CDC42BPA: variants seen among roughly 807,000 people sequenced by gnomAD.
CDC42BPA encodes serine/threonine-protein kinase MRCK alpha.
Under a neutral mutation model 223.5 loss-of-function variants are expected in CDC42BPA, and 80 were observed. The observed-to-expected ratio is 0.36, with a 90% CI of 0.30 to 0.43. The LOEUF is 0.43. CDC42BPA is among the 20% of genes least tolerant of loss of function. The probability of loss-of-function intolerance (pLI) is 1.00; values close to 1 mark genes in which losing one functional copy is unlikely to be tolerated. For synonymous variants in CDC42BPA, 694 were observed against 718.6 expected, an observed-to-expected ratio of 0.97 and a Z score of 0.55; for missense variants, 1,743 against 2,099.9, an observed-to-expected ratio of 0.83 and a Z score of 3.32.
chr1:227,150,822 A>C (rs1195502258), intron 6 of CDC42BPA, among the ~76,000 whole-genome samples: 1 of 150,792 alleles, frequency 6.6e-6, no homozygotes, highest in East Asian at 1.9e-4. Context: ...TAGAAAAATA[A>C]AAATTTTTAA....
chr1:227,268,667 C>CAT lies in CDC42BPA; in HGVS notation c.179-14514_179-14513dup, dbSNP rs1472425451. Among the ~76,000 whole-genome samples the CAT allele has an allele frequency of 1.2e-3, 164 of 139,026 alleles. 1 individual carries two copies. The highest frequency in any genetic ancestry group is 6.0e-3 in the South Asian group (27 of 4,494). The allele number at this position is 139,026 out of a possible 152,430, so 91.2% of individuals were successfully genotyped here. The stretch of plus-strand genomic sequence containing the variant: ...TAGTGTGTGTGTATATATATATATA[C>CAT]ATATATATATATACACACACACACT... On this transcript the variant is annotated intron_variant, in intron 1 of 36. Coordinates refer to ENST00000366766, the MANE Select transcript of CDC42BPA (RefSeq NM_001394014.1).
chr1:227,258,699 G>GA (rs1272801058), intron 1 of CDC42BPA, among the ~76,000 whole-genome samples: 6 of 150,110 alleles, frequency 4.0e-5, no homozygotes, highest in Admixed American at 1.3e-4. Flanking sequence ...TGCTGCATTT[G>GA]AAAAAAAACT....
At chr1:227,193,340 G>A (rs558743009) in intron 5 of CDC42BPA, among the ~76,000 whole-genome samples, 7 of 152,126 alleles carry the variant, frequency 4.6e-5, no homozygotes, top group East Asian at 1.9e-4. Flanking sequence ...GATTACAAGC[G>A]TGAGCAACCG....
At chr1:227,011,487 G>A (rs906627020) in intron 34 of CDC42BPA, among the ~76,000 whole-genome samples, 6 of 152,074 alleles carry the variant, frequency 3.9e-5, no homozygotes, top group Non-Finnish European at 8.8e-5. Context: ...TTATGAAACT[G>A]TTTCTTTAGA....
chr1:226,999,485 T>C (rs1424497754), intron 35 of CDC42BPA, among the ~76,000 whole-genome samples: 1 of 152,168 alleles, frequency 6.6e-6, no homozygotes, highest in East Asian at 1.9e-4. Flanking sequence ...CTAGGAATGC[T>C]TTTACACTGT....
intron 1 of CDC42BPA, among the ~76,000 whole-genome samples, chr1:227,304,045 A>G (rs992710560): frequency 6.6e-6 from 1 of 152,298 alleles, no homozygotes; most frequent in Non-Finnish European, 1.5e-5. Context: ...CCTCACCACC[A>G]TGAAGTACTT....
intron 5 of CDC42BPA, among the ~76,000 whole-genome samples, chr1:227,179,190 G>A (rs1667475331): frequency 6.6e-6 from 1 of 152,202 alleles, no homozygotes; most frequent in Non-Finnish European, 1.5e-5. Flanking sequence ...GAAACAGGGT[G>A]TAGAGACTTA....
intron 11 of CDC42BPA, among the ~76,000 whole-genome samples, chr1:227,121,506 G>GT (rs1018199834): frequency 1.3e-5 from 2 of 152,154 alleles, no homozygotes; most frequent in African/African-American, 4.8e-5. Context: ...TGAAAGTATA[G>GT]TTATTAATAG....
chr1:227,277,724 T>C (rs901776708), intron 1 of CDC42BPA, among the ~76,000 whole-genome samples: 1 of 152,138 alleles, frequency 6.6e-6, no homozygotes, highest in Non-Finnish European at 1.5e-5. Context: ...CTTAGAAAAC[T>C]AGGAATAGAT....
chr1:227,045,553 C>T (rs1672275562), intron 23 of CDC42BPA, among the ~76,000 whole-genome samples: 1 of 152,058 alleles, frequency 6.6e-6, no homozygotes, highest in South Asian at 2.1e-4. Flanking sequence ...AATTTCCTTC[C>T]TTTTCTTTTT....
chr1:227,128,868 C>A (rs1190724399), intron 11 of CDC42BPA, among the ~76,000 whole-genome samples: 1 of 152,130 alleles, frequency 6.6e-6, no homozygotes, highest in East Asian at 1.9e-4. Context: ...GTACTCTCCA[C>A]GTACCTCCAT....
At chr1:227,070,889 A>G (rs1481831053) in intron 20 of CDC42BPA, among the ~76,000 whole-genome samples, 1 of 151,878 alleles carries the variant, frequency 6.6e-6, no homozygotes, top group African/African-American at 2.4e-5. Flanking sequence ...GATGCAATCA[A>G]TGTCATCTGG....
intron 1 of CDC42BPA, among the ~76,000 whole-genome samples, chr1:227,279,538 A>T (rs933693694): frequency 5.3e-5 from 8 of 152,042 alleles, no homozygotes; most frequent in African/African-American, 1.9e-4. Flanking sequence ...CTTACTTCAC[A>T]TATTAAAGTA....
intron 29 of CDC42BPA, among the ~76,000 whole-genome samples, chr1:227,029,694 T>C (rs1035985761): frequency 6.6e-6 from 1 of 152,186 alleles, no homozygotes; most frequent in Non-Finnish European, 1.5e-5. Context: ...GTTATATTGG[T>C]TTCTCTTTAT....
At chr1:227,187,992 T>A (rs1026474888) in intron 5 of CDC42BPA, among the ~76,000 whole-genome samples, 2 of 151,932 alleles carry the variant, frequency 1.3e-5, no homozygotes, top group Non-Finnish European at 2.9e-5. Flanking sequence ...CCAGGAAAAC[T>A]ATATTTCAGG....
At chr1:227,261,381 G>T (rs543642285) in intron 1 of CDC42BPA, among the ~76,000 whole-genome samples, 2 of 150,908 alleles carry the variant, frequency 1.3e-5, no homozygotes, top group East Asian at 3.9e-4. Context: ...CTCCCAAAAT[G>T]CTGGGGTTAC....
chr1:227,184,999 T>C (rs1220558203), intron 5 of CDC42BPA, among the ~76,000 whole-genome samples: 1 of 152,194 alleles, frequency 6.6e-6, no homozygotes, highest in Non-Finnish European at 1.5e-5. Flanking sequence ...TAATTCTCAG[T>C]AGAAAATAAT....
At chr1:227,246,077 G>C (rs1680895989) in intron 2 of CDC42BPA, among the ~76,000 whole-genome samples, 1 of 152,202 alleles carries the variant, frequency 6.6e-6, no homozygotes, top group Non-Finnish European at 1.5e-5. Context: ...CCCACTGCCT[G>C]AAGGGTGAGT....
At chr1:227,115,688 T>C (rs1285491829) in intron 12 of CDC42BPA, among the ~76,000 whole-genome samples, 2 of 152,102 alleles carry the variant, frequency 1.3e-5, no homozygotes, top group East Asian at 1.9e-4. Context: ...AGATACCACG[T>C]AGAGCAAGTT....
Sources: gnomAD v4.1 joint callset for allele counts (sites outside exome capture counted in the v4.1 genomes callset) on GRCh38, gnomAD v4.1.1 for gene constraint, MANE v1.5 for transcripts, NCBI Gene and HGNC (gene_info 2026-07-23, HGNC 2026-07-21) for gene names.